The following FNDC1 variants were observed in gnomAD, a reference collection of about 807,000 sequenced individuals.
FNDC1 encodes the protein fibronectin type III domain-containing protein 1.
A neutral mutation model predicts 168.0 loss-of-function variants in FNDC1; 96 were observed. The ratio of observed to expected loss-of-function variants is 0.57; its 90% CI spans 0.48 to 0.68. FNDC1 has a LOEUF of 0.68. Among genes scored for constraint, FNDC1 ranks in the 30% least tolerant of loss-of-function variants. The pLI, the probability that FNDC1 is intolerant of heterozygous loss-of-function variation, is 0.00. For synonymous variants in FNDC1, 1,099 were observed against 1,025.9 expected (o/e 1.07, Z -1.36); for missense variants, 2,587 against 2,482.1 (o/e 1.04, Z -0.90).
At position 159,233,962 on chromosome 6, in the gene FNDC1, A is replaced by G. The variant is rs402388; in HGVS notation, c.3450A>G (p.Val1150=). ...GCGGCCCCCAGTCCCGCGCCCGGGT[A>G]CCCAGCAGGGCAGCGCCGGGGAAGT... ...RPGGPQSRAR[V]PSRAAPGKSE... The change falls in exon 11 of 23, where the codon GTA becomes GTG. Residue 1150 remains valine, a synonymous_variant. Coordinates refer to ENST00000297267, the MANE Select transcript of FNDC1 (RefSeq NM_032532.3). The surrounding 1 kb of genome is among the most constrained non-coding windows in gnomAD (Gnocchi z 4.6). 1.3e-6 allele frequency: 2 copies of G among 1,581,988 alleles called. No homozygotes were observed. Among genetic ancestry groups the G allele is most frequent in the African/African-American group, 1.3e-5 (1 of 74,194 alleles).
At chr6:159,263,464 T>C (rs1339177610) in intron 19 of FNDC1, among the ~76,000 whole-genome samples, 1 of 152,202 alleles carries the variant, frequency 6.6e-6, no homozygotes, top group Non-Finnish European at 1.5e-5. Context: ...TGGCATTTTA[T>C]AAAAATGAAC....
intron 1 of FNDC1, among the ~76,000 whole-genome samples, chr6:159,180,299 G>T (rs1033091029): frequency 1.3e-5 from 2 of 152,070 alleles, no homozygotes; most frequent in East Asian, 3.9e-4. Context: ...GGTCATATGG[G>T]ATTAGTTTTG....
At position 159,232,929 on chromosome 6, in the gene FNDC1, A is replaced by G. The variant is rs1270496729; in HGVS notation, c.2417A>G (p.Gln806Arg). 1 of 1,610,982 alleles carries G rather than the reference A, an allele frequency of 6.2e-7. No individual in the cohort carries two copies. Among genetic ancestry groups the G allele is most frequent in the South Asian group, 1.1e-5 (1 of 90,868 alleles). Residue 806 changes from glutamine (Q) to arginine (R), a missense_variant, in exon 11 of 23, where the codon CAG (glutamine) becomes CGG (arginine). Transcript: ENST00000297267. The surrounding 1 kb of genome is among the most constrained non-coding windows in gnomAD (Gnocchi z 4.9). ...GGAAGGCAGGCGGAGGCCACGGCCC[A>G]GACGCTGCGGGCCCGGCCTGCCTCT... ...DGGRQAEATAQTLRARPASGH... is the reference protein window; with the variant it reads ...DGGRQAEATARTLRARPASGH...
rs1308882233 is a variant in FNDC1 at position 159,261,267 on chromosome 6, C to T, written c.5252C>T (p.Ser1751Leu). 1 of 1,607,370 alleles carries T rather than the reference C, an allele frequency of 6.2e-7. No homozygotes were observed. Among genetic ancestry groups the T allele is most frequent in the East Asian group, 2.2e-5 (1 of 44,854 alleles). The change falls in exon 19 of 23, where the codon TCA (serine) becomes TTA (leucine). Residue 1751 changes from serine (S) to leucine (L), a missense_variant and splice_region_variant. Coordinates refer to ENST00000297267, the MANE Select transcript of FNDC1 (RefSeq NM_032532.3). ...ISPSVSFVTESDNPLLVVRPP... is the reference protein window; with the variant it reads ...ISPSVSFVTELDNPLLVVRPP... ...CCTTCGGTCTCATTTGTCACCGAATCAGGTATGAATGACTTCACATTCTGA... is the reference window on the plus strand; with the variant it reads ...CCTTCGGTCTCATTTGTCACCGAATTAGGTATGAATGACTTCACATTCTGA...
chr6:159,249,586 G>A (rs1233905186), intron 16 of FNDC1, among the ~76,000 whole-genome samples: 1 of 152,178 alleles, frequency 6.6e-6, no homozygotes, highest in Non-Finnish European at 1.5e-5. Flanking sequence ...ACTGAATTGA[G>A]CCACTAGTGC....
In FNDC1 at chr6:159,220,478, C is replaced by T. The variant is rs572640410; in HGVS notation, c.668-1120C>T. 4.6e-5 allele frequency among the ~76,000 whole-genome samples: 7 copies of T among 152,244 alleles called. No individual in the cohort carries two copies. The South Asian group carries it at 1.5e-3, about 32-fold the overall frequency. On this transcript the variant is annotated intron_variant, in intron 5 of 22. Transcript: ENST00000297267. ...TTAAAGCTGCAACAGGAGCCTTGGT[C>T]AGAGAGTCTGGAGTGAGGCATTAGC...
intron 12 of FNDC1, 65 bp downstream of exon 12, chr6:159,236,380 C>T (rs1783260753): frequency 6.6e-6 from 7 of 1,064,486 alleles, no homozygotes; most frequent in South Asian, 1.4e-5. Flanking sequence ...AAATGGTGGA[C>T]ATTGTGTAAT....
At chr6:159,256,043 A>C (rs1011354763) in intron 17 of FNDC1, among the ~76,000 whole-genome samples, 1 of 152,210 alleles carries the variant, frequency 6.6e-6, no homozygotes, top group African/African-American at 2.4e-5. Context: ...GACAGCCTTC[A>C]CCAAGTGGGC....
intron 9 of FNDC1, among the ~76,000 whole-genome samples, chr6:159,228,530 A>G (rs1232516123): frequency 7.0e-6 from 1 of 142,562 alleles, no homozygotes; most frequent in Non-Finnish European, 1.5e-5. Flanking sequence ...CTGCAAAAGC[A>G]TTTTTGGTTG....
intron 7 of FNDC1, 29 bp downstream of exon 7, chr6:159,223,674 A>G (rs976645035): frequency 5.0e-6 from 7 of 1,399,282 alleles, no homozygotes; most frequent in Non-Finnish European, 7.1e-6. Flanking sequence ...TTGTCTTTAT[A>G]TATGAGAGAT....
rs1459031514 is a variant in FNDC1 at position 159,266,262 on chromosome 6, G to T, written c.5446+17G>T. On this transcript the variant is annotated intron_variant, in intron 21 of 22. Transcript: ENST00000297267. ...ACCTGAAAGGTAAGTCTTTGTGCAT[G>T]GTTGGCTATGGGAGGTATGGAACAT... 1.2e-6 allele frequency: 2 copies of T among 1,613,526 alleles called. No individual in the cohort carries two copies. The highest frequency in any genetic ancestry group is 1.7e-6 in the Non-Finnish European group (2 of 1,179,500).
chr6:159,230,046 T>C, intron 10 of FNDC1, 43 bp downstream of exon 10: 1 of 1,539,078 alleles, frequency 6.5e-7, no homozygotes, highest in East Asian at 2.3e-5. Flanking sequence ...CTCTCTTCAT[T>C]CCTGCTGTTT....
chr6:159,240,103 T>G (rs1293179146), intron 14 of FNDC1, 146 bp downstream of exon 14: 2 of 609,606 alleles, frequency 3.3e-6, no homozygotes, highest in Middle Eastern at 3.1e-4. Context: ...CCAGCAGGTT[T>G]GTTTGACAGT....
intron 4 of FNDC1, among the ~76,000 whole-genome samples, chr6:159,214,361 A>T (rs1173732614): frequency 1.3e-5 from 2 of 152,250 alleles, no homozygotes; most frequent in Non-Finnish European, 2.9e-5. Flanking sequence ...TAATGTAGCA[A>T]GTAAAAAAAA....
intron 4 of FNDC1, among the ~76,000 whole-genome samples, chr6:159,210,943 G>A (rs528757779): frequency 3.3e-5 from 5 of 152,286 alleles, no homozygotes; most frequent in Middle Eastern, 3.4e-3. Context: ...CAAAAGGCCT[G>A]GTCCTGATGG....
intron 18 of FNDC1, among the ~76,000 whole-genome samples, chr6:159,257,059 T>C (rs1301605965): frequency 6.6e-6 from 1 of 152,246 alleles, no homozygotes; most frequent in Non-Finnish European, 1.5e-5. Flanking sequence ...TCAAGAAAGA[T>C]GCATTTTACA....
At chr6:159,189,210 G>A (rs1583857551) in intron 1 of FNDC1, among the ~76,000 whole-genome samples, 2 of 152,144 alleles carry the variant, frequency 1.3e-5, no homozygotes, top group South Asian at 4.1e-4. Context: ...TGGCCTTTGG[G>A]ATGCCTAGAA....
chr6:159,257,905 C>CTT (rs142754305), intron 18 of FNDC1, among the ~76,000 whole-genome samples: 2,893 of 131,522 alleles, frequency 0.022, 161 homozygotes, highest in African/African-American at 0.076. Flanking sequence ...GAGTCAATGT[C>CTT]TTTTTTTTTT....
At chr6:159,198,893 G>T (rs558011079) in intron 2 of FNDC1, among the ~76,000 whole-genome samples, 1 of 152,224 alleles carries the variant, frequency 6.6e-6, no homozygotes, top group Non-Finnish European at 1.5e-5. Flanking sequence ...CTGGCAGGTC[G>T]TGCCAAACCC....
Sources: allele counts gnomAD v4.1 joint callset (sites outside exome capture counted in the v4.1 genomes callset), GRCh38; gene constraint gnomAD v4.1.1; non-coding constraint Gnocchi (gnomAD v3.1); transcripts MANE v1.5; gene names NCBI Gene and HGNC (gene_info 2026-07-23, HGNC 2026-07-21).